DOK7: variants seen among roughly 807,000 people sequenced by gnomAD.
DOK7 encodes the protein protein Dok-7.
Under a neutral mutation model 30.7 loss-of-function variants are expected in DOK7, and 32 were observed. That is an observed-to-expected ratio of 1.04 (90% CI 0.79 to 1.40). The LOEUF (loss-of-function observed/expected upper bound fraction) is 1.40, where lower values mean the gene tolerates loss of function less well. DOK7 is among the 40% of genes most tolerant of loss of function. The pLI is 0.00. For synonymous variants in DOK7, 447 were observed against 324.1 expected, an observed-to-expected ratio of 1.38 and a Z score of -4.07; for missense variants, 1,007 against 699.2, an observed-to-expected ratio of 1.44 and a Z score of -4.97.
At position 3,476,308 on chromosome 4, in the gene DOK7, G is replaced by C. The variant is rs557927703; in HGVS notation, c.332-34G>C. On this transcript the variant is annotated intron_variant, in intron 3 of 6. Transcript: ENST00000340083. ...CCCGTGATGTCCTCTCACCCTGCCC[G>C]CCCGTGATGCCCTCTTGCCCCGCCT... The C allele has an allele frequency of 1.9e-6, 2 of 1,070,964 alleles. 1 individual carries two copies. Among genetic ancestry groups the C allele is most frequent in the East Asian group, 1.0e-4 (2 of 19,946 alleles). The allele number at this position is 1,070,964 out of a possible 1,614,324, so 66.3% of individuals were successfully genotyped here. A position where few individuals can be genotyped will look rare whatever the true frequency, so the allele number is the denominator to read the frequency against.
chr4:3,498,582 C>T (rs141770735), downstream of DOK7, among the ~76,000 whole-genome samples: 18 of 152,310 alleles, frequency 1.2e-4, no homozygotes, highest in African/African-American at 3.8e-4. Context: ...CAGGCCCCGG[C>T]GCTCCCTCAG....
intron 5 of DOK7, among the ~76,000 whole-genome samples, chr4:3,486,047 C>T (rs1395449483): frequency 6.6e-6 from 1 of 152,238 alleles, no homozygotes; most frequent in African/African-American, 2.4e-5. Flanking sequence ...GGCCCGGGGG[C>T]AGCTGGTCTG....
exon 8 of DOK7, chr4:3,500,776 G>A (rs924620844): frequency 2.2e-5 from 34 of 1,534,458 alleles, no homozygotes; most frequent in African/African-American, 1.1e-4. Context: ...GCACGGGCCC[G>A]GGAGGAGCAG....
rs376251309 is a variant in DOK7 at position 3,489,776 on chromosome 4, C to A, written c.752C>A (p.Ala251Glu). The A allele has an allele frequency of 3.2e-5, 51 of 1,572,398 alleles. 1 individual carries two copies. The Admixed American group carries it at 8.8e-4, about 27-fold the overall frequency. Residue 251 changes from alanine to glutamate, a missense_variant, in exon 6 of 7, where the codon GCG becomes GAG. Physicochemically the swap from Ala to Glu is moderately radical, Grantham distance 107. Transcript: ENST00000340083. Reference sequence around the variant, plus strand: ...AAGCGGCTGAGCCTCCTCTCACATGCGGGCAGGCCGGGCAGTGGAGGTAGG... The same window carrying A: ...AAGCGGCTGAGCCTCCTCTCACATGAGGGCAGGCCGGGCAGTGGAGGTAGG... Reference protein sequence around the residue: ...LEKRLSLLSHAGRPGSGGDDR... With the variant: ...LEKRLSLLSHEGRPGSGGDDR...
At chr4:3,487,504 A>C (rs1020885741) in intron 5 of DOK7, among the ~76,000 whole-genome samples, 1 of 152,216 alleles carries the variant, frequency 6.6e-6, no homozygotes, top group Non-Finnish European at 1.5e-5. Flanking sequence ...GGTCTTCCGC[A>C]TGTGGACACC....
At chr4:3,485,447 T>G in intron 4 of DOK7, 92 bp from the exon 5 acceptor site, 2 of 1,383,152 alleles carry the variant, frequency 1.4e-6, no homozygotes, top group Non-Finnish European at 9.5e-7. Context: ...CGGCTCTTGG[T>G]GGAGTTTGCT....
At chr4:3,463,658 G>T in intron 2 of DOK7, 107 bp downstream of exon 2, 1 of 1,403,894 alleles carries the variant, frequency 7.1e-7, no homozygotes, top group Non-Finnish European at 9.7e-7. Context: ...CTGTCACCCC[G>T]CCGGGAAACC....
At chr4:3,501,107 G>C in exon 8 of DOK7, 1 of 494,194 alleles carries the variant, frequency 2.0e-6, no homozygotes. Context: ...AGGCAGCTCT[G>C]GTAGCTGCTG....
At chr4:3,494,633 G>C (rs1484210205), downstream of DOK7, 2 of 751,116 alleles carry the variant, frequency 2.7e-6, no homozygotes, top group Non-Finnish European at 3.2e-6. Context: ...GTGAGCCTTG[G>C]GCCTGAATGC....
At chr4:3,488,003 G>A (rs2109381757) in intron 5 of DOK7, among the ~76,000 whole-genome samples, 1 of 152,358 alleles carries the variant, frequency 6.6e-6, no homozygotes, top group African/African-American at 2.4e-5. Context: ...CGTGTGGCCT[G>A]TGGGCTCCAT....
At chr4:3,466,666 A>G (rs1445495023) in intron 2 of DOK7, among the ~76,000 whole-genome samples, 1 of 152,228 alleles carries the variant, frequency 6.6e-6, no homozygotes, top group African/African-American at 2.4e-5. Flanking sequence ...GCTGGGGTTC[A>G]GCTCTCAGCT....
At chr4:3,489,531 G>A in intron 5 of DOK7, 146 bp from the exon 6 acceptor site, 2 of 1,318,334 alleles carry the variant, frequency 1.5e-6, no homozygotes, top group Non-Finnish European at 2.1e-6. Context: ...CAGCCTCTGG[G>A]ATGAGGCATC....
chr4:3,478,320 C>G lies in DOK7; in HGVS notation c.532+1778C>G, dbSNP rs371030262. Among the ~76,000 whole-genome samples, 178 of 152,340 alleles carry G rather than the reference C, an allele frequency of 1.2e-3. 2 individuals carry two copies. Among genetic ancestry groups the G allele is most frequent in the African/African-American group, 4.2e-3 (173 of 41,590 alleles). Reference sequence around the variant, plus strand: ...ATCCCTGCCGAGGTGTGGGTGGCCCCTTTTCCGCTGGTAAACAATCCCACA... The same window carrying G: ...ATCCCTGCCGAGGTGTGGGTGGCCCGTTTTCCGCTGGTAAACAATCCCACA... On this transcript the variant is annotated intron_variant, in intron 4 of 6. Coordinates refer to ENST00000340083, the MANE Select transcript of DOK7 (RefSeq NM_173660.5).
Position 3,477,782 on chromosome 4 carries a change from A to G in DOK7, c.532+1240A>G, listed in dbSNP as rs371066869. On this transcript the variant is annotated intron_variant, in intron 4 of 6. Coordinates refer to ENST00000340083, the MANE Select transcript of DOK7 (RefSeq NM_173660.5). ...TTGGCCCCTCTGGGATTGGAGAGCC[A>G]GTATGGATGGGCAGGGCCGCTGCCT... Among the ~76,000 whole-genome samples the G allele has an allele frequency of 7.2e-5, 9 of 124,220 alleles. No homozygotes were observed. In the East Asian group the frequency reaches 2.5e-3, roughly 34 times the overall value. The allele number at this position is 124,220 out of a possible 152,430, so 81.5% of individuals were successfully genotyped here. A position where few individuals can be genotyped will look rare whatever the true frequency, so the allele number is the denominator to read the frequency against.
At chr4:3,483,373 C>A (rs1335462522) in intron 4 of DOK7, among the ~76,000 whole-genome samples, 1 of 152,028 alleles carries the variant, frequency 6.6e-6, no homozygotes, top group African/African-American at 2.4e-5. Flanking sequence ...CCAGGGAGGC[C>A]CAGCGAGAGC....
intron 2 of DOK7, among the ~76,000 whole-genome samples, chr4:3,469,909 GC>G (rs1304564599): frequency 1.3e-5 from 2 of 152,190 alleles, no homozygotes; most frequent in East Asian, 3.9e-4. Flanking sequence ...GGACGAGCGG[GC>G]CCCCAGCTCT....
chr4:3,463,385 G>T lies in DOK7; in HGVS notation c.10G>T (p.Ala4Ser). 6.7e-7 allele frequency: 1 copy of T among 1,497,530 alleles called. No individual in the cohort carries two copies. Among genetic ancestry groups the T allele is most frequent in the Non-Finnish European group, 8.8e-7 (1 of 1,136,836 alleles). 92.8% of individuals were successfully genotyped at this position (1,497,530 alleles called of 1,614,324 possible). The change falls in exon 1 of 7, where the codon GCG becomes TCG. Residue 4 changes from alanine (A) to serine (S), a missense_variant. Coordinates refer to ENST00000340083, the MANE Select transcript of DOK7 (RefSeq NM_173660.5). The stretch of plus-strand genomic sequence containing the variant: ...GGAACCATGACAGAAGATGACCGAG[G>T]CGGCGCTGGTGGAGGGCCAGGTCAA... Reference protein sequence around the residue: MTEAALVEGQVKLR... With the variant: MTESALVEGQVKLR...
At chr4:3,497,350 C>T (rs920255003), downstream of DOK7, among the ~76,000 whole-genome samples, 4 of 151,826 alleles carry the variant, frequency 2.6e-5, no homozygotes, top group Admixed American at 2.0e-4. Context: ...GTGAGCGACT[C>T]GGCGAAGGGC....
rs538053324 is a variant in DOK7 at position 3,493,941 on chromosome 4, T to C, written c.*440T>C. On this transcript the variant is annotated 3_prime_UTR_variant, in exon 7 of 7. Transcript: ENST00000340083. Reference sequence around the variant, plus strand: ...TCTCTGGGGCAGTCACACCACCTGTTAAGCATCAAGCTACCACAGAGGCTC... The same window carrying C: ...TCTCTGGGGCAGTCACACCACCTGTCAAGCATCAAGCTACCACAGAGGCTC... The C allele has an allele frequency of 4.9e-6, 5 of 1,013,342 alleles. No homozygotes were observed. The highest frequency in any genetic ancestry group is 5.9e-6 in the Non-Finnish European group (5 of 849,322). The allele number at this position is 1,013,342 out of a possible 1,614,324, so 62.8% of individuals were successfully genotyped here.
Sources: gnomAD v4.1 joint callset for allele counts (sites outside exome capture counted in the v4.1 genomes callset) on GRCh38, gnomAD v4.1.1 for gene constraint, MANE v1.5 for transcripts, NCBI Gene and HGNC (gene_info 2026-07-23, HGNC 2026-07-21) for gene names.